The following PREX2 variants were observed in gnomAD, a reference collection of about 807,000 sequenced individuals.
The protein encoded by PREX2 is phosphatidylinositol 3,4,5-trisphosphate-dependent Rac exchanger 2 protein.
In PREX2, 107 loss-of-function variants were observed where a neutral mutation model predicts 203.2. That is an observed-to-expected ratio of 0.53 (90% CI 0.45 to 0.62). PREX2 has a LOEUF of 0.62. Ranked by LOEUF, PREX2 falls within the 20% of genes least tolerant of loss-of-function variation. The pLI, the probability that PREX2 is intolerant of heterozygous loss-of-function variation, is 0.00. For missense variants in PREX2, 1,777 were observed against 1,955.9 expected (o/e 0.91, Z 1.72); for synonymous variants, 672 against 663.6 (o/e 1.01, Z -0.19).
At chr8:68,059,540 A>C (rs1180234589) in intron 10 of PREX2, among the ~76,000 whole-genome samples, 1 of 152,224 alleles carries the variant, frequency 6.6e-6, no homozygotes, top group African/African-American at 2.4e-5. Flanking sequence ...TTTTCAAAAC[A>C]ATGTAGTAGA....
At chr8:68,003,842 C>CTT (rs148890144) in intron 1 of PREX2, among the ~76,000 whole-genome samples, 1,388 of 90,574 alleles carry the variant, frequency 0.015, 37 homozygotes, top group Non-Finnish European at 0.018. Context: ...CTGGCCTGAC[C>CTT]TTTTTTTTTT....
intron 37 of PREX2, among the ~76,000 whole-genome samples, chr8:68,198,417 T>G (rs1812441270): frequency 2.0e-5 from 3 of 152,234 alleles, no homozygotes; most frequent in African/African-American, 7.2e-5. Flanking sequence ...TCAAATTTGC[T>G]TTTGTACCCA....
intron 21 of PREX2, among the ~76,000 whole-genome samples, chr8:68,096,276 A>G (rs949941709): frequency 6.6e-6 from 1 of 152,128 alleles, no homozygotes; most frequent in Admixed American, 6.5e-5. Context: ...TTTAAGATAA[A>G]TCAATATTCT....
At chr8:68,097,441 C>T (rs1205638133) in intron 22 of PREX2, among the ~76,000 whole-genome samples, 1 of 152,054 alleles carries the variant, frequency 6.6e-6, no homozygotes, top group East Asian at 1.9e-4. Flanking sequence ...TCTCATGCCT[C>T]AGTCTCCCAA....
intron 34 of PREX2, among the ~76,000 whole-genome samples, chr8:68,152,671 CA>C (rs1168166409): frequency 6.6e-6 from 1 of 152,174 alleles, no homozygotes; most frequent in Non-Finnish European, 1.5e-5. Context: ...AGGAGGCCCG[CA>C]GGCTGACTGA....
At chr8:67,980,995 A>G (rs1806252737) in intron 1 of PREX2, among the ~76,000 whole-genome samples, 1 of 152,218 alleles carries the variant, frequency 6.6e-6, no homozygotes, top group Admixed American at 6.5e-5. Flanking sequence ...ACCTGGTGTA[A>G]GTAATCTAGG....
chr8:68,070,637 C>T (rs186514263), intron 13 of PREX2, among the ~76,000 whole-genome samples: 60 of 152,050 alleles, frequency 3.9e-4, no homozygotes, highest in African/African-American at 1.3e-3. Context: ...AATCATAGTC[C>T]GCAACAAAAT....
chr8:68,146,666 T>C (rs1203104485), intron 34 of PREX2, among the ~76,000 whole-genome samples: 1 of 152,180 alleles, frequency 6.6e-6, no homozygotes, highest in Non-Finnish European at 1.5e-5. Flanking sequence ...ATGGTTAAAA[T>C]ATTTTATGAG....
chr8:68,001,165 C>T (rs7015967), intron 1 of PREX2, among the ~76,000 whole-genome samples: 103,925 of 151,638 alleles, frequency 0.69, 35,818 homozygotes, highest in South Asian at 0.81. Flanking sequence ...ACAACGTACC[C>T]AATAGGAGAA....
intron 35 of PREX2, among the ~76,000 whole-genome samples, chr8:68,168,975 G>A (rs1406089968): frequency 6.6e-6 from 1 of 151,016 alleles, no homozygotes; most frequent in Non-Finnish European, 1.5e-5. Context: ...TAGATTATAA[G>A]TTTCAGAAAC....
chr8:68,204,436 T>A (rs568521761), intron 37 of PREX2, among the ~76,000 whole-genome samples: 1 of 152,300 alleles, frequency 6.6e-6, no homozygotes, highest in African/African-American at 2.4e-5. Flanking sequence ...CCATTATCTT[T>A]AATGAGAATT....
intron 1 of PREX2, among the ~76,000 whole-genome samples, chr8:68,016,422 C>T (rs1036426911): frequency 6.6e-6 from 1 of 152,010 alleles, no homozygotes; most frequent in African/African-American, 2.4e-5. Flanking sequence ...TTTATGGTTG[C>T]ACTTTTGCTA....
At chr8:68,131,460 A>G (rs955121247) in intron 31 of PREX2, among the ~76,000 whole-genome samples, 1 of 152,208 alleles carries the variant, frequency 6.6e-6, no homozygotes, top group African/African-American at 2.4e-5. Context: ...ATCCTCTAGT[A>G]GTTGTTGCAG....
chr8:68,120,498 A>G (rs1810749949), intron 29 of PREX2, among the ~76,000 whole-genome samples: 1 of 152,166 alleles, frequency 6.6e-6, no homozygotes, highest in African/African-American at 2.4e-5. Context: ...AAAGTTTAAA[A>G]TGTTTAATGC....
At chr8:67,991,414 A>G (rs1012050747) in intron 1 of PREX2, among the ~76,000 whole-genome samples, 1 of 152,196 alleles carries the variant, frequency 6.6e-6, no homozygotes, top group Non-Finnish European at 1.5e-5. Context: ...TATAAAGGAA[A>G]GAGGTTTAAT....
intron 23 of PREX2, among the ~76,000 whole-genome samples, chr8:68,103,892 T>C (rs573928547): frequency 6.6e-6 from 1 of 152,182 alleles, no homozygotes; most frequent in African/African-American, 2.4e-5. Flanking sequence ...TCCTTTTCTC[T>C]CTCCATTTTC....
At chr8:68,043,902 G>C (rs1808266441) in intron 7 of PREX2, among the ~76,000 whole-genome samples, 1 of 151,824 alleles carries the variant, frequency 6.6e-6, no homozygotes, top group East Asian at 1.9e-4. Context: ...GAAATGTTTT[G>C]GGTATTTTAG....
intron 23 of PREX2, among the ~76,000 whole-genome samples, chr8:68,107,524 C>G (rs1176819726): frequency 6.6e-6 from 1 of 152,192 alleles, no homozygotes; most frequent in Non-Finnish European, 1.5e-5. Context: ...AGAGTGCACA[C>G]TAGTCTTCAG....
At chr8:68,157,940 A>G (rs113773051) in intron 35 of PREX2, among the ~76,000 whole-genome samples, 3 of 151,776 alleles carry the variant, frequency 2.0e-5, no homozygotes, top group African/African-American at 7.3e-5. Flanking sequence ...TTTTCCCCCC[A>G]AAAAATAGTG....
Sources: gnomAD v4.1 joint callset for allele counts (sites outside exome capture counted in the v4.1 genomes callset) on GRCh38, gnomAD v4.1.1 for gene constraint, MANE v1.5 for transcripts, NCBI Gene and HGNC (gene_info 2026-07-23, HGNC 2026-07-21) for gene names.